Variants in ANP32E observed in about 807,000 individuals in gnomAD.
ANP32E encodes the protein acidic nuclear phosphoprotein 32 family member E.
Under a neutral mutation model 35.3 loss-of-function variants are expected in ANP32E, and 14 were observed. The observed-to-expected ratio is 0.40, with a 90% CI of 0.26 to 0.62. The LOEUF (loss-of-function observed/expected upper bound fraction) is 0.62, where lower values mean the gene tolerates loss of function less well. ANP32E is among the 20% of genes least tolerant of loss of function. ANP32E has a pLI of 0.45. For missense variants in ANP32E, 198 were observed against 304.4 expected (o/e 0.65, Z 2.60); for synonymous variants, 89 against 110.4 (o/e 0.81, Z 1.22).
chr1:150,222,707 T>A (rs1259539392), intron 6 of ANP32E, among the ~76,000 whole-genome samples: 1 of 151,552 alleles, frequency 6.6e-6, no homozygotes, highest in African/African-American at 2.4e-5. Flanking sequence ...TGCAGTGAGC[T>A]GTGATTGCAT....
Position 150,235,373 on chromosome 1 carries a change from G to A in ANP32E, c.54+360C>T, listed in dbSNP as rs1553843004. 1.3e-5 allele frequency among the ~76,000 whole-genome samples: 2 copies of A among 152,164 alleles called. No homozygotes were observed. The highest frequency in any genetic ancestry group is 2.9e-5 in the Non-Finnish European group (2 of 68,012). On this transcript the variant is annotated intron_variant, in intron 1 of 6. Coordinates refer to ENST00000583931, the MANE Select transcript of ANP32E (RefSeq NM_030920.5). This position sits in a 1 kb window ranked among gnomAD's most constrained non-coding sequence, Gnocchi z 4.2. ...CTGCGGCAGGGGCTGAGTGGGACTG[G>A]GGGGTCGCGCCCACGCCGCCGGCCC...
At chr1:150,224,703 A>G (rs587731087) in intron 5 of ANP32E, among the ~76,000 whole-genome samples, 1 of 152,332 alleles carries the variant, frequency 6.6e-6, no homozygotes, top group East Asian at 1.9e-4. Flanking sequence ...TGTGTCATTG[A>G]TCGTTTATAT....
intron 4 of ANP32E, among the ~76,000 whole-genome samples, chr1:150,227,729 A>C (rs587709064): frequency 7.1e-6 from 1 of 141,504 alleles, no homozygotes; most frequent in Non-Finnish European, 1.6e-5. Flanking sequence ...GTACCCCCTT[A>C]ATCTAAAATA....
chr1:150,226,519 T>A, intron 5 of ANP32E, 89 bp downstream of exon 5: 1 of 1,497,772 alleles, frequency 6.7e-7, no homozygotes, highest in Non-Finnish European at 9.0e-7. Flanking sequence ...TAGAAACAAC[T>A]CTCAGATTGC....
intron 1 of ANP32E, among the ~76,000 whole-genome samples, chr1:150,234,933 C>T (rs922499601): frequency 1.8e-4 from 28 of 152,206 alleles, no homozygotes; most frequent in African/African-American, 6.5e-4. Flanking sequence ...CTTTAAAGCA[C>T]GAAACTACTA....
rs1231400041 is a variant in ANP32E, at chr1:150,226,719, TTCC to T, written c.567_569del (p.Glu194del). On this transcript the variant is annotated inframe_deletion, in exon 5 of 7. Coordinates refer to ENST00000583931, the MANE Select transcript of ANP32E (RefSeq NM_030920.5). The stretch of plus-strand genomic sequence containing the variant: ...CCTCATCCTCATCCTCCTCTTCCTC[TTCC>T]TCCTCCTCTTCCTCATATCCTTCCG... 11 of 1,562,174 alleles carry T rather than the reference TTCC, an allele frequency of 7.0e-6. No homozygotes were observed. Among genetic ancestry groups the T allele is most frequent in the Non-Finnish European group, 9.6e-6 (11 of 1,141,906 alleles).
intron 5 of ANP32E, among the ~76,000 whole-genome samples, chr1:150,225,605 A>C (rs1021721810): frequency 8.1e-6 from 1 of 122,994 alleles, no homozygotes; most frequent in East Asian, 2.9e-4. Flanking sequence ...TGGGAGGCAG[A>C]GGTTGCAGTG....
chr1:150,221,509 G>GA (rs1424052626), intron 6 of ANP32E, among the ~76,000 whole-genome samples: 1 of 82,386 alleles, frequency 1.2e-5, no homozygotes, highest in Admixed American at 1.3e-4. Context: ...GGGAGGGAGG[G>GA]AGGAAAGGAA....
chr1:150,231,261 T>C lies in ANP32E; in HGVS notation c.204+516A>G, dbSNP rs918901745. Among the ~76,000 whole-genome samples the C allele has an allele frequency of 3.9e-5, 6 of 152,304 alleles. No individual in the cohort carries two copies. The East Asian group carries it at 1.2e-3, about 29-fold the overall frequency. On this transcript the variant is annotated intron_variant, in intron 2 of 6. Transcript: ENST00000583931. ...GTAGAGAAAAATATTTGGTATATATTAAATCCAAATTCATATTATAAGGCA... is the reference window on the plus strand; with the variant it reads ...GTAGAGAAAAATATTTGGTATATATCAAATCCAAATTCATATTATAAGGCA...
chr1:150,234,772 G>T, intron 1 of ANP32E: 1 of 653,326 alleles, frequency 1.5e-6, no homozygotes, highest in Non-Finnish European at 1.9e-6. Context: ...GGTAGGTGAG[G>T]CCGAGAAGGC....
At chr1:150,226,545 A>G in intron 5 of ANP32E, 63 bp downstream of exon 5, 2 of 1,582,956 alleles carry the variant, frequency 1.3e-6, no homozygotes, top group East Asian at 2.3e-5. Flanking sequence ...AACACACTTT[A>G]TATAGTACTT....
At chr1:150,224,631 C>T (rs75278537) in intron 5 of ANP32E, among the ~76,000 whole-genome samples, 3,248 of 152,018 alleles carry the variant, frequency 0.021, 133 homozygotes, top group African/African-American at 0.072. Flanking sequence ...TAGCTCCTAA[C>T]TCGCCAAGAC....
chr1:150,224,861 C>T (rs1212733058), intron 5 of ANP32E, among the ~76,000 whole-genome samples: 1 of 152,038 alleles, frequency 6.6e-6, no homozygotes, highest in African/African-American at 2.4e-5. Flanking sequence ...AAATAACTAA[C>T]CTAAACTCCC....
chr1:150,223,719 G>C (rs1275893698), intron 5 of ANP32E, among the ~76,000 whole-genome samples: 1 of 558 alleles, frequency 1.8e-3, no homozygotes. Context: ...TAAATCTGTA[G>C]TCTTTTTTTT....
At position 150,235,905 on chromosome 1, in the gene ANP32E, G is replaced by T; in HGVS notation, c.-119C>A. On this transcript the variant is annotated 5_prime_UTR_variant, in exon 1 of 7. Coordinates refer to ENST00000583931, the MANE Select transcript of ANP32E (RefSeq NM_030920.5). The surrounding 1 kb of genome is among the most constrained non-coding windows in gnomAD (Gnocchi z 4.2). ...AATGAAAAGGAACGCAAATATAAACGCCCACTACCACCACCAGATAGGTGT... is the reference window on the plus strand; with the variant it reads ...AATGAAAAGGAACGCAAATATAAACTCCCACTACCACCACCAGATAGGTGT... The T allele has an allele frequency of 1.4e-6, 1 of 690,170 alleles. No individual in the cohort carries two copies. The highest frequency in any genetic ancestry group is 2.6e-6 in the Non-Finnish European group (1 of 391,506). The allele number at this position is 690,170 out of a possible 1,614,324, so 42.8% of individuals were successfully genotyped here. A position where few individuals can be genotyped will look rare whatever the true frequency, so the allele number is the denominator to read the frequency against.
chr1:150,232,365 C>T (rs1470186918), intron 1 of ANP32E, among the ~76,000 whole-genome samples: 2 of 136,446 alleles, frequency 1.5e-5, no homozygotes, highest in Non-Finnish European at 3.2e-5. Flanking sequence ...AAAATAACAA[C>T]ACAACAGAAA....
At chr1:150,220,847 T>C (rs983215287) in intron 6 of ANP32E, 86 bp from the exon 7 acceptor site, 122 of 1,202,844 alleles carry the variant, frequency 1.0e-4, no homozygotes, top group Non-Finnish European at 1.3e-4. Flanking sequence ...GAAAAGTTAA[T>C]GGCAAGGCCT....
Position 150,223,283 on chromosome 1 carries a change from T to TG in ANP32E, c.682-44dup, listed in dbSNP as rs139881898. ...CAGTTTGAAGATTGAAAAATCCATATGATTTTTCACTCTTTCTTGTAATAT... is the reference window on the plus strand; with the variant it reads ...CAGTTTGAAGATTGAAAAATCCATATGGATTTTTCACTCTTTCTTGTAATAT... On this transcript the variant is annotated intron_variant, in intron 5 of 6. Transcript: ENST00000583931. 3.8e-3 allele frequency: 5,785 copies of TG among 1,516,968 alleles called. 183 individuals carry two copies. The African/African-American group carries it at 0.063, about 16-fold the overall frequency. The allele number at this position is 1,516,968 out of a possible 1,614,324, so 94.0% of individuals were successfully genotyped here.
At position 150,220,324 on chromosome 1, in the gene ANP32E, G is replaced by A. The variant is rs1648238842; in HGVS notation, c.*367C>T. On this transcript the variant is annotated 3_prime_UTR_variant, in exon 7 of 7. Coordinates refer to ENST00000583931, the MANE Select transcript of ANP32E (RefSeq NM_030920.5). ...TTGTCATTTTATATTATAGCAAACT[G>A]TAATTTCAGTTAATTTATAAATAAG... 6.5e-6 allele frequency: 1 copy of A among 154,390 alleles called. No homozygotes were observed. The highest frequency in any genetic ancestry group is 1.4e-5 in the Non-Finnish European group (1 of 70,164). 9.6% of individuals were successfully genotyped at this position (154,390 alleles called of 1,614,324 possible).
Sources: allele counts gnomAD v4.1 joint callset (sites outside exome capture counted in the v4.1 genomes callset), GRCh38; gene constraint gnomAD v4.1.1; non-coding constraint Gnocchi (gnomAD v3.1); transcripts MANE v1.5; gene names NCBI Gene and HGNC (gene_info 2026-07-23, HGNC 2026-07-21).